The following AQR variants were observed in gnomAD, a reference collection of about 807,000 sequenced individuals.
AQR encodes aquarius intron-binding spliceosomal factor, also known as RNA helicase aquarius.
Under a neutral mutation model 180.5 loss-of-function variants are expected in AQR, and 61 were observed. The ratio of observed to expected loss-of-function variants is 0.34; its 90% CI spans 0.28 to 0.42. AQR has a LOEUF of 0.42. Ranked by LOEUF, AQR falls within the 10% of genes least tolerant of loss-of-function variation. AQR has a pLI of 1.00. For missense variants in AQR, 1,281 were observed against 1,798.3 expected, an observed-to-expected ratio of 0.71 and a Z score of 5.20; for synonymous variants, 551 against 588.8, an observed-to-expected ratio of 0.94 and a Z score of 0.93.
At chr15:34,863,512 G>A (rs1595779714) in intron 32 of AQR, among the ~76,000 whole-genome samples, 1 of 152,072 alleles carries the variant, frequency 6.6e-6, no homozygotes, top group East Asian at 1.9e-4. Context: ...ACAGTATGAT[G>A]TTATAAAACA....
At chr15:34,888,285 G>A (rs1893092440) in intron 24 of AQR, among the ~76,000 whole-genome samples, 2 of 151,930 alleles carry the variant, frequency 1.3e-5, no homozygotes, top group Non-Finnish European at 1.5e-5. Context: ...GTGACAGAGT[G>A]AGACTCTGTC....
intron 4 of AQR, 29 bp downstream of exon 4, chr15:34,952,856 T>C (rs775219592): frequency 6.3e-6 from 9 of 1,432,634 alleles, no homozygotes; most frequent in African/African-American, 2.9e-5. Context: ...ACATTATCTC[T>C]TTCATCAATG....
intron 33 of AQR, among the ~76,000 whole-genome samples, chr15:34,861,090 T>A (rs968076472): frequency 1.4e-4 from 22 of 152,206 alleles, no homozygotes; most frequent in African/African-American, 5.3e-4. Context: ...ATAGGAACAA[T>A]TTAGAAAATC....
At chr15:34,958,754 G>GA (rs910581974) in intron 3 of AQR, among the ~76,000 whole-genome samples, 55 of 152,126 alleles carry the variant, frequency 3.6e-4, no homozygotes, top group Admixed American at 1.5e-3. Context: ...TAATATAGAA[G>GA]AAAAAATGAT....
At chr15:34,910,785 A>G (rs1566987657) in intron 16 of AQR, among the ~76,000 whole-genome samples, 1 of 152,238 alleles carries the variant, frequency 6.6e-6, no homozygotes. Flanking sequence ...CAACACAGTT[A>G]GCATTTTTTG....
chr15:34,912,350 TCA>T (rs61272379), intron 16 of AQR, among the ~76,000 whole-genome samples: 66,308 of 151,454 alleles, frequency 0.44, 17,473 homozygotes, highest in Non-Finnish European at 0.6. Flanking sequence ...ATAAACTCTC[TCA>T]GTTTTTGTTC....
chr15:34,901,154 G>A (rs1474571361), intron 19 of AQR, among the ~76,000 whole-genome samples: 1 of 152,058 alleles, frequency 6.6e-6, no homozygotes, highest in Non-Finnish European at 1.5e-5. Flanking sequence ...CTCCTATTGA[G>A]TAGGATGAAA....
intron 32 of AQR, 121 bp downstream of exon 32, chr15:34,867,403 A>G (rs1234460277): frequency 1.3e-6 from 1 of 771,056 alleles, no homozygotes; most frequent in Non-Finnish European, 2.1e-6. Flanking sequence ...AAAAGCAGCA[A>G]AAGTTGCCTA....
chr15:34,868,484 A>T (rs1213198118), intron 31 of AQR: 1 of 152,162 alleles, frequency 6.6e-6, no homozygotes, highest in Non-Finnish European at 1.5e-5. Context: ...TGTAATTTAT[A>T]GTCTCTCTAT....
At chr15:34,922,445 A>C (rs1893697004) in intron 13 of AQR, among the ~76,000 whole-genome samples, 1 of 152,086 alleles carries the variant, frequency 6.6e-6, no homozygotes, top group Non-Finnish European at 1.5e-5. Context: ...AGAAACTCAA[A>C]TTTTTCCAAA....
chr15:34,960,674 A>C (rs2050271308), intron 3 of AQR, 100 bp downstream of exon 3: 1 of 567,598 alleles, frequency 1.8e-6, no homozygotes, highest in Non-Finnish European at 3.1e-6. Context: ...CCAGTTTGAA[A>C]CAGAAAAAGG....
chr15:34,917,530 T>C (rs1893613108), intron 15 of AQR, among the ~76,000 whole-genome samples: 1 of 152,116 alleles, frequency 6.6e-6, no homozygotes, highest in South Asian at 2.1e-4. Flanking sequence ...TTACTATCAA[T>C]AAATGATAAT....
rs775308006 is a variant in AQR at position 34,948,335 on chromosome 15, T to C, written c.259A>G (p.Ser87Gly). 2.5e-6 allele frequency: 4 copies of C among 1,613,514 alleles called. No individual in the cohort carries two copies. In the South Asian group the frequency reaches 4.4e-5, roughly 18 times the overall value. The stretch of plus-strand genomic sequence containing the variant: ...CAGATTGACATTAAATAGGCCTTGC[T>C]AGATACCTCAGGAGAATAATTCATC... ...LWMNYSPEVS[S>G]KAYLMSICCM... The change falls in exon 5 of 35, where the codon AGC (serine) becomes GGC (glycine). Residue 87 changes from serine (S) to glycine (G), a missense_variant. Ser to Gly is a moderately conservative substitution (Grantham distance 56). This residue lies in a region of AQR where 404 missense variants were observed against 490.9 expected (regional missense o/e 0.82). Transcript: ENST00000156471.
chr15:34,954,259 T>C (rs569637370), intron 3 of AQR, among the ~76,000 whole-genome samples: 3 of 152,184 alleles, frequency 2.0e-5, no homozygotes, highest in South Asian at 2.1e-4. Context: ...TGTATAAAAA[T>C]GGTAGAGCAG....
At chr15:34,858,720 A>AAT (rs1263080878) in intron 34 of AQR, among the ~76,000 whole-genome samples, 1 of 152,242 alleles carries the variant, frequency 6.6e-6, no homozygotes, top group East Asian at 1.9e-4. Context: ...TCAAGGTAGT[A>AAT]CAGTCATGGC....
chr15:34,900,647 G>T lies in AQR; in HGVS notation c.2218C>A (p.Pro740Thr). 6.2e-7 allele frequency: 1 copy of T among 1,613,980 alleles called. No homozygotes were observed. Among genetic ancestry groups the T allele is most frequent in the Non-Finnish European group, 8.5e-7 (1 of 1,179,926 alleles). ...GHNVKVTVED[P>T]ALQIPPFRIT... is the part of the protein sequence containing the mutation. ...CTGAAAGGGGGTATTTGTAGAGCAG[G>T]GTCTTCTACAGTTACTTTAACATTA... The change falls in exon 20 of 35, where the codon CCT becomes ACT. Residue 740 changes from proline to threonine, a missense_variant. Around this residue, in one of 9 missense-constraint regions of AQR, gnomAD observed 112 missense variants for 128.6 expected, o/e 0.87. Coordinates refer to ENST00000156471, the MANE Select transcript of AQR (RefSeq NM_014691.3).
chr15:34,893,605 G>C, intron 23 of AQR, 58 bp downstream of exon 23: 1 of 1,018,404 alleles, frequency 9.8e-7, no homozygotes, highest in East Asian at 3.3e-5. Flanking sequence ...ATGCGCATGC[G>C]TGCACACACA....
rs1460126322 is a variant in AQR, at chr15:34,856,406, T to C, written c.*386A>G. The C allele has an allele frequency of 7.3e-5, 29 of 397,302 alleles. No homozygotes were observed. In the East Asian group the frequency reaches 1.0e-3, roughly 14 times the overall value. The allele number at this position is 397,302 out of a possible 1,614,324, so 24.6% of individuals were successfully genotyped here. On this transcript the variant is annotated 3_prime_UTR_variant, in exon 35 of 35. Coordinates refer to ENST00000156471, the MANE Select transcript of AQR (RefSeq NM_014691.3). ...TGATAGTATAACAGAAGAAACAAGT[T>C]CCTTCCCAATTTGGACACTCAAGGG...
intron 20 of AQR, among the ~76,000 whole-genome samples, chr15:34,900,030 T>G (rs923738960): frequency 4.6e-5 from 7 of 152,178 alleles, no homozygotes; most frequent in Non-Finnish European, 8.8e-5. Flanking sequence ...GTTCCTGAAA[T>G]TACAGGTGTG....
Sources: gnomAD v4.1 joint callset for allele counts (sites outside exome capture counted in the v4.1 genomes callset) on GRCh38, gnomAD v4.1.1 for gene constraint, gnomAD v4.1.1 regional missense constraint, MANE v1.5 for transcripts, NCBI Gene and HGNC (gene_info 2026-07-23, HGNC 2026-07-21) for gene names.